Variants in TBX18 observed in about 807,000 individuals in gnomAD.
TBX18 encodes the protein T-box transcription factor TBX18.
A neutral mutation model predicts 55.0 loss-of-function variants in TBX18; 21 were observed. That is an observed-to-expected ratio of 0.38 (90% CI 0.27 to 0.55). TBX18 has a LOEUF of 0.55. TBX18 is among the 20% of genes least tolerant of loss of function. TBX18 has a pLI of 0.73. For missense variants in TBX18, 840 were observed against 799.6 expected, an observed-to-expected ratio of 1.05 and a Z score of -0.61; for synonymous variants, 342 against 326.1, an observed-to-expected ratio of 1.05 and a Z score of -0.53.
intron 6 of TBX18, among the ~76,000 whole-genome samples, chr6:84,743,243 G>A (rs1767092782): frequency 6.6e-6 from 1 of 152,136 alleles, no homozygotes; most frequent in Admixed American, 6.5e-5. Flanking sequence ...TTTCAATGAT[G>A]CCACTGCATA....
At chr6:84,750,111 C>A (rs2127876649) in intron 4 of TBX18, among the ~76,000 whole-genome samples, 1 of 152,158 alleles carries the variant, frequency 6.6e-6, no homozygotes, top group African/African-American at 2.4e-5. Context: ...TGGTGAAACT[C>A]TGTCTCTACT....
chr6:84,746,335 A>G (rs981790982), intron 5 of TBX18, among the ~76,000 whole-genome samples: 2 of 150,096 alleles, frequency 1.3e-5, no homozygotes, highest in African/African-American at 4.9e-5. Context: ...TTTTTCTCCC[A>G]AAAAATCGTT....
chr6:84,745,639 T>A (rs1582070897), intron 5 of TBX18, among the ~76,000 whole-genome samples: 2 of 152,138 alleles, frequency 1.3e-5, no homozygotes, highest in African/African-American at 2.4e-5. Context: ...ATTGAAGGAA[T>A]TCTTCTTTAC....
rs760052848 is a variant in TBX18, at chr6:84,736,764, C to T, written c.1745G>A (p.Gly582Asp). 1.9e-6 allele frequency: 3 copies of T among 1,613,644 alleles called. No homozygotes were observed. Among genetic ancestry groups the T allele is most frequent in the South Asian group, 1.1e-5 (1 of 90,966 alleles). ...CCTAGAGTCAAAGAAACTCTGCTGACCCCCACTGCTAAGCAGGTGCACTCC... is the reference window on the plus strand; with the variant it reads ...CCTAGAGTCAAAGAAACTCTGCTGATCCCCACTGCTAAGCAGGTGCACTCC... ...VEGVHLLSSG[G>D]QQSFFDSRTL... Residue 582 changes from glycine to aspartate, a missense_variant, in exon 8 of 8, where the codon GGT becomes GAT. Coordinates refer to ENST00000369663, the MANE Select transcript of TBX18 (RefSeq NM_001080508.3).
chr6:84,736,858 G>C lies in TBX18; in HGVS notation c.1651C>G (p.Gln551Glu). ...GGTGAGGACCCCAAGAAACTTCCTT[G>C]GGAAGAAACAATTTTCTCAGGACTG... ...AASPEKIVSS[Q>E]GSFLGSSPSG... The change falls in exon 8 of 8, where the codon CAA (glutamine) becomes GAA (glutamate). Residue 551 changes from glutamine (Q) to glutamate (E), a missense_variant. Gln to Glu is a conservative substitution (Grantham distance 29, BLOSUM62 2). Transcript: ENST00000369663. 1 of 1,613,486 alleles carries C rather than the reference G, an allele frequency of 6.2e-7. No homozygotes were observed. Among genetic ancestry groups the C allele is most frequent in the South Asian group, 1.1e-5 (1 of 90,880 alleles).
chr6:84,735,387 G>C lies in TBX18; in HGVS notation c.*1298C>G, dbSNP rs749379241. On this transcript the variant is annotated 3_prime_UTR_variant, in exon 8 of 8. Transcript: ENST00000369663. ...GTTCTGACATTACAAATTCTGTTGAGGTTAAAAGTTTTATAGTTCCTTTAT... is the reference window on the plus strand; with the variant it reads ...GTTCTGACATTACAAATTCTGTTGACGTTAAAAGTTTTATAGTTCCTTTAT... 3.3e-5 allele frequency: 5 copies of C among 152,112 alleles called. No homozygotes were observed. The highest frequency in any genetic ancestry group is 5.9e-5 in the Non-Finnish European group (4 of 68,014). 9.4% of individuals were successfully genotyped at this position (152,112 alleles called of 1,614,324 possible).
intron 7 of TBX18, among the ~76,000 whole-genome samples, chr6:84,737,804 T>C (rs1337588414): frequency 6.6e-6 from 1 of 152,202 alleles, no homozygotes; most frequent in African/African-American, 2.4e-5. Context: ...AAAACCTTCA[T>C]TGCTGTATTG....
At chr6:84,753,561 A>G (rs766543533) in intron 4 of TBX18, among the ~76,000 whole-genome samples, 66 of 152,184 alleles carry the variant, frequency 4.3e-4, no homozygotes, top group Non-Finnish European at 6.9e-4. Flanking sequence ...GGGCAGGGGC[A>G]GATGGGATGA....
intron 4 of TBX18, among the ~76,000 whole-genome samples, chr6:84,755,008 T>A (rs1277345142): frequency 1.3e-5 from 2 of 152,122 alleles, no homozygotes; most frequent in Non-Finnish European, 2.9e-5. Context: ...TCTGTGTCTG[T>A]TTTTCTCTCT....
chr6:84,758,697 C>A (rs1371776904), intron 3 of TBX18, among the ~76,000 whole-genome samples: 1 of 151,982 alleles, frequency 6.6e-6, no homozygotes, highest in Non-Finnish European at 1.5e-5. Flanking sequence ...GAGTAATAGG[C>A]TCTAACAAAA....
In TBX18 at chr6:84,737,379, C is replaced by A; in HGVS notation, c.1130G>T (p.Gly377Val). The A allele has an allele frequency of 6.5e-7, 1 of 1,527,196 alleles. No individual in the cohort carries two copies. The highest frequency in any genetic ancestry group is 1.4e-5 in the African/African-American group (1 of 72,298). 94.6% of individuals were successfully genotyped at this position (1,527,196 alleles called of 1,614,324 possible). Residue 377 changes from glycine to valine, a missense_variant, in exon 8 of 8, where the codon GGT becomes GTT. Physicochemically the swap from Gly to Val is moderately radical, Grantham distance 109. Coordinates refer to ENST00000369663, the MANE Select transcript of TBX18 (RefSeq NM_001080508.3). Reference protein sequence around the residue: ...GNASSSTLLQGTGNGVPATHP... With the variant: ...GNASSSTLLQVTGNGVPATHP... ...AGTGGCAGGAACGCCATTCCCAGTACCTTGGAGCAAGGTGGAGGAACTTGC... is the reference window on the plus strand; with the variant it reads ...AGTGGCAGGAACGCCATTCCCAGTAACTTGGAGCAAGGTGGAGGAACTTGC...
rs533813333 is a variant in TBX18, at chr6:84,736,720, G to C, written c.1789C>G (p.Leu597Val). 6.3e-7 allele frequency: 1 copy of C among 1,592,974 alleles called. No homozygotes were observed. The highest frequency in any genetic ancestry group is 1.1e-5 in the South Asian group (1 of 87,158). ...TGTGCAGATACTTGAGATGATGACA[G>C]AGTTAAGCTTCCTAGGGTCCTAGAG... ...FDSRTLGSLT[L>V]SSSQVSAHMV Residue 597 changes from leucine to valine, a missense_variant, in exon 8 of 8, where the codon CTG becomes GTG. Coordinates refer to ENST00000369663, the MANE Select transcript of TBX18 (RefSeq NM_001080508.3).
chr6:84,738,089 C>A (rs1054486081), intron 7 of TBX18, among the ~76,000 whole-genome samples: 2 of 152,110 alleles, frequency 1.3e-5, no homozygotes, highest in African/African-American at 4.8e-5. Context: ...ATGTGCCTGA[C>A]CTTCCTCATC....
In TBX18 at chr6:84,764,359, A is replaced by C; in HGVS notation, c.-178T>G. On this transcript the variant is annotated 5_prime_UTR_variant, in exon 1 of 8. Coordinates refer to ENST00000369663, the MANE Select transcript of TBX18 (RefSeq NM_001080508.3). ...TTTCCGCTTTCTCGCTTGTGTTGGG[A>C]TCCAGGAACCGGCGACGCGCCGGCC... 1.1e-6 allele frequency: 1 copy of C among 942,942 alleles called. No homozygotes were observed. 58.4% of individuals were successfully genotyped at this position (942,942 alleles called of 1,614,324 possible).
chr6:84,738,545 A>C lies in TBX18; in HGVS notation c.1051T>G (p.Ser351Ala). Residue 351 changes from serine to alanine, a missense_variant, in exon 7 of 8, where the codon TCA becomes GCA. Transcript: ENST00000369663. ...TCTTCAAAGGTCAGAGTCCGTAGTG[A>C]TGGTCGCCAGAATGCATATGATTCC... ...LVESYAFWRPSLRTLTFEDIP... is the reference protein window; with the variant it reads ...LVESYAFWRPALRTLTFEDIP... 1 of 1,614,066 alleles carries C rather than the reference A, an allele frequency of 6.2e-7. No individual in the cohort carries two copies. Among genetic ancestry groups the C allele is most frequent in the Non-Finnish European group, 8.5e-7 (1 of 1,180,014 alleles).
intron 1 of TBX18, 113 bp downstream of exon 1, chr6:84,763,777 G>C: frequency 7.0e-7 from 1 of 1,418,594 alleles, no homozygotes; most frequent in Non-Finnish European, 9.1e-7. Context: ...CAATGCGCTA[G>C]TGGCTGAGTG....
Position 84,738,563 on chromosome 6 carries a change from A to G in TBX18, c.1033T>C (p.Tyr345His). The change falls in exon 7 of 8, where the codon TAT (tyrosine) becomes CAT (histidine). Residue 345 changes from tyrosine to histidine, a missense_variant. Physicochemically the swap from Tyr to His is moderately conservative, Grantham distance 83. Transcript: ENST00000369663. ...CGTAGTGATGGTCGCCAGAATGCAT[A>G]TGATTCCACCAAGGCTTCCAAACCC... ...RMGLEALVES[Y>H]AFWRPSLRTL... 9 of 1,614,054 alleles carry G rather than the reference A, an allele frequency of 5.6e-6. No homozygotes were observed. The highest frequency in any genetic ancestry group is 7.6e-6 in the Non-Finnish European group (9 of 1,179,986).
chr6:84,737,613 G>A (rs1055985324), intron 7 of TBX18, among the ~76,000 whole-genome samples: 1 of 152,180 alleles, frequency 6.6e-6, no homozygotes, highest in Non-Finnish European at 1.5e-5. Flanking sequence ...TGAATCACAT[G>A]CTAATACAAG....
At chr6:84,752,186 CAA>C (rs11357182) in intron 4 of TBX18, among the ~76,000 whole-genome samples, 128 of 143,478 alleles carry the variant, frequency 8.9e-4, no homozygotes, top group African/African-American at 2.5e-3. Context: ...AGATTTGAGT[CAA>C]AAAAAAAAAG....
Sources: gnomAD v4.1 joint callset for allele counts (sites outside exome capture counted in the v4.1 genomes callset) on GRCh38, gnomAD v4.1.1 for gene constraint, MANE v1.5 for transcripts, NCBI Gene and HGNC (gene_info 2026-07-23, HGNC 2026-07-21) for gene names.